IPO11: variants seen among roughly 807,000 people sequenced by gnomAD.
IPO11 encodes the protein importin 11.
A neutral mutation model predicts 143.2 loss-of-function variants in IPO11; 66 were observed. The ratio of observed to expected loss-of-function variants is 0.46; its 90% CI spans 0.38 to 0.57. The LOEUF (loss-of-function observed/expected upper bound fraction) is 0.57, where lower values mean the gene tolerates loss of function less well. Among genes scored for constraint, IPO11 ranks in the 20% least tolerant of loss-of-function variants. The pLI is 0.00. For synonymous variants in IPO11, 385 were observed against 377.8 expected (o/e 1.02, Z -0.22); for missense variants, 1,026 against 1,141.0 (o/e 0.90, Z 1.45).
Position 62,627,618 on chromosome 5 carries a change from T to A in IPO11, c.*300T>A, listed in dbSNP as rs1461494169. ...TTTCCTGTTAAGAGAAGAAACTTTA[T>A]CTTTTAATTATGTGCTCTTAATATT... On this transcript the variant is annotated 3_prime_UTR_variant, in exon 30 of 30. Transcript: ENST00000325324. The A allele has an allele frequency of 5.8e-5, 12 of 208,246 alleles. No homozygotes were observed. The highest frequency in any genetic ancestry group is 9.5e-5 in the Non-Finnish European group (10 of 105,498). The allele number at this position is 208,246 out of a possible 1,614,324, so 12.9% of individuals were successfully genotyped here.
chr5:62,418,413 A>G (rs1485032749), intron 1 of IPO11, among the ~76,000 whole-genome samples: 20 of 152,152 alleles, frequency 1.3e-4, no homozygotes, highest in Admixed American at 1.2e-3. Flanking sequence ...TCGGCCTTCT[A>G]AAGTATTGGG....
chr5:62,489,462 G>A, intron 14 of IPO11, 113 bp downstream of exon 14: 1 of 626,860 alleles, frequency 1.6e-6, no homozygotes, highest in Non-Finnish European at 2.7e-6. Context: ...CTAAAATACA[G>A]GAACAATCTG....
At chr5:62,428,270 T>C (rs140903008) in intron 1 of IPO11, among the ~76,000 whole-genome samples, 2 of 152,232 alleles carry the variant, frequency 1.3e-5, no homozygotes, top group Middle Eastern at 3.4e-3. Context: ...GCTCAAGTGA[T>C]CCTTCCATCT....
rs978692711 is a variant in IPO11, at chr5:62,435,440, A to G, written c.-6-1834A>G. Among the ~76,000 whole-genome samples the G allele has an allele frequency of 1.1e-4, 16 of 150,274 alleles. No homozygotes were observed. The South Asian group carries it at 1.3e-3, about 12-fold the overall frequency. ...CTTGTCTCTACAAAAAATAAAAAAT[A>G]AAAAAAAATTAGCTGGGCCCGGTGG... On this transcript the variant is annotated intron_variant, in intron 1 of 29. Transcript: ENST00000325324.
chr5:62,447,527 C>G (rs1312606328), intron 3 of IPO11, among the ~76,000 whole-genome samples: 1 of 151,610 alleles, frequency 6.6e-6, no homozygotes, highest in East Asian at 1.9e-4. Flanking sequence ...GTACAAGGTG[C>G]TTATGTGAAG....
intron 21 of IPO11, among the ~76,000 whole-genome samples, chr5:62,529,460 T>C (rs1340872895): frequency 6.6e-6 from 1 of 152,158 alleles, no homozygotes; most frequent in Non-Finnish European, 1.5e-5. Context: ...ATTATAAACA[T>C]TTTTCTAACA....
intron 22 of IPO11, among the ~76,000 whole-genome samples, chr5:62,531,488 A>G (rs1468618969): frequency 1.3e-5 from 2 of 152,090 alleles, no homozygotes; most frequent in Non-Finnish European, 2.9e-5. Flanking sequence ...GCACCACCAC[A>G]CACAGCTAAT....
chr5:62,541,811 T>G (rs1366210291), intron 24 of IPO11, among the ~76,000 whole-genome samples: 1 of 152,230 alleles, frequency 6.6e-6, no homozygotes, highest in Non-Finnish European at 1.5e-5. Flanking sequence ...AAATCTATAG[T>G]CAAATATGTA....
At chr5:62,426,146 G>A (rs2112106249) in intron 1 of IPO11, among the ~76,000 whole-genome samples, 1 of 152,262 alleles carries the variant, frequency 6.6e-6, no homozygotes, top group South Asian at 2.1e-4. Context: ...CAGCACTTTG[G>A]GAGGCCAAGG....
intron 2 of IPO11, among the ~76,000 whole-genome samples, chr5:62,441,756 G>T (rs1744489188): frequency 6.8e-6 from 1 of 146,864 alleles, no homozygotes; most frequent in African/African-American, 2.5e-5. Flanking sequence ...CCTCATGGTG[G>T]TCCACCTGCC....
chr5:62,483,109 C>G lies in IPO11; in HGVS notation c.837C>G (p.Asp279Glu), dbSNP rs969813971. The G allele has an allele frequency of 6.3e-7, 1 of 1,580,048 alleles. No homozygotes were observed. The highest frequency in any genetic ancestry group is 1.4e-5 in the African/African-American group (1 of 73,556). The change falls in exon 10 of 30, where the codon GAC (aspartate) becomes GAG (glutamate). Residue 279 changes from aspartate (D) to glutamate (E), a missense_variant. This residue lies in a region of IPO11 where 429 missense variants were observed against 456.3 expected (regional missense o/e 0.94). Transcript: ENST00000325324. ...TIILFTKVLL[D>E]FLDQHPFSFT... ...TATTTATTTTTCTACAGCTTTTGGA[C>G]TTCTTGGATCAGCATCCTTTTTCAT... is the stretch of plus-strand genomic sequence containing the variant.
chr5:62,422,102 A>AT (rs1223165656), intron 1 of IPO11, among the ~76,000 whole-genome samples: 7 of 151,454 alleles, frequency 4.6e-5, no homozygotes, highest in Admixed American at 1.3e-4. Flanking sequence ...TTTCCTTCCT[A>AT]TTTTTTTTCA....
chr5:62,444,932 A>G (rs1421378962), intron 3 of IPO11, among the ~76,000 whole-genome samples: 1 of 151,232 alleles, frequency 6.6e-6, no homozygotes, highest in African/African-American at 2.4e-5. Context: ...AAATATATAT[A>G]TAAATGATTG....
chr5:62,524,071 A>G (rs1317434075), intron 20 of IPO11, among the ~76,000 whole-genome samples: 2 of 152,026 alleles, frequency 1.3e-5, no homozygotes, highest in Non-Finnish European at 2.9e-5. Context: ...TAGTTTTCTT[A>G]TTTTAATAAC....
At chr5:62,565,776 C>G (rs1240430341) in intron 27 of IPO11, among the ~76,000 whole-genome samples, 2 of 151,934 alleles carry the variant, frequency 1.3e-5, no homozygotes, top group African/African-American at 2.4e-5. Context: ...CCTCCCCTCC[C>G]TCACCCCCTA....
rs753987147 is a variant in IPO11, at chr5:62,526,172, C to T, written c.1927C>T (p.Pro643Ser). Residue 643 changes from proline (P) to serine (S), a missense_variant, in exon 21 of 30, where the codon CCT (proline) becomes TCT (serine). Pro to Ser is a moderately conservative substitution (Grantham distance 74, BLOSUM62 -1). Transcript: ENST00000325324. ...GLGADSKNLY[P>S]FLLPVIQLST... is the part of the protein sequence containing the mutation. ...AGGAGCAGACAGCAAGAACCTGTAC[C>T]CTTTCCTGCTCCCAGTTATTCAACT... 6.2e-7 allele frequency: 1 copy of T among 1,613,110 alleles called. No homozygotes were observed. The highest frequency in any genetic ancestry group is 1.1e-5 in the South Asian group (1 of 91,066).
chr5:62,581,034 A>G (rs1744537618), intron 27 of IPO11: 1 of 1,551,056 alleles, frequency 6.4e-7, no homozygotes, highest in Non-Finnish European at 8.7e-7. Context: ...ACATTTTGCT[A>G]GCTTTTTTCA....
intron 27 of IPO11, among the ~76,000 whole-genome samples, chr5:62,563,084 A>G (rs1179973849): frequency 1.3e-5 from 2 of 152,238 alleles, no homozygotes; most frequent in Non-Finnish European, 2.9e-5. Flanking sequence ...CCAGGTGGAC[A>G]TGCACAAGAT....
Position 62,489,302 on chromosome 5 carries a change from G to T in IPO11, c.1310G>T (p.Gly437Val). The T allele has an allele frequency of 6.5e-7, 1 of 1,531,344 alleles. No homozygotes were observed. Among genetic ancestry groups the T allele is most frequent in the East Asian group, 2.4e-5 (1 of 42,286 alleles). 94.9% of individuals were successfully genotyped at this position (1,531,344 alleles called of 1,614,324 possible). Residue 437 changes from glycine to valine, a missense_variant and splice_region_variant, in exon 14 of 30, where the codon GGA becomes GTA. Transcript: ENST00000325324. ...ACCTATTTATATATATATTTTTTAG[G>T]ACCCACAAATGTGGAAGATATGAAT... ...VLLEMMQTLQ[G>V]PTNVEDMNAL...
Sources: gnomAD v4.1 joint callset for allele counts (sites outside exome capture counted in the v4.1 genomes callset) on GRCh38, gnomAD v4.1.1 for gene constraint, gnomAD v4.1.1 regional missense constraint, MANE v1.5 for transcripts, NCBI Gene and HGNC (gene_info 2026-07-23, HGNC 2026-07-21) for gene names.